ASS1: variants seen among roughly 807,000 people sequenced by gnomAD.
ASS1 encodes the protein argininosuccinate synthase 1.
A neutral mutation model predicts 60.5 loss-of-function variants in ASS1; 58 were observed. The observed-to-expected ratio is 0.96, with a 90% CI of 0.78 to 1.19. The LOEUF is 1.19. Ranked by LOEUF, ASS1 falls within the 50% of genes most tolerant of loss-of-function variation. ASS1 has a pLI of 0.00. For missense variants in ASS1, 454 were observed against 547.3 expected (o/e 0.83, Z 1.70); for synonymous variants, 200 against 206.9 (o/e 0.97, Z 0.29).
chr9:130,501,068 C>G lies in ASS1; in HGVS notation c.*47C>G, dbSNP rs372162973. On this transcript the variant is annotated 3_prime_UTR_variant, in exon 15 of 15. Coordinates refer to ENST00000352480, the MANE Select transcript of ASS1 (RefSeq NM_054012.4). ...GGGGCCTCCTCAATTTGCAGATCCCCCAAGTACAGGCGCTAATTGTTGTGA... is the reference window on the plus strand; with the variant it reads ...GGGGCCTCCTCAATTTGCAGATCCCGCAAGTACAGGCGCTAATTGTTGTGA... 11 of 1,556,866 alleles carry G rather than the reference C, an allele frequency of 7.1e-6. No individual in the cohort carries two copies. Among genetic ancestry groups the G allele is most frequent in the Admixed American group, 5.0e-5 (3 of 59,906 alleles).
At chr9:130,472,600 G>A (rs118139528) in intron 8 of ASS1, among the ~76,000 whole-genome samples, 3,719 of 152,268 alleles carry the variant, frequency 0.024, 61 homozygotes, top group Middle Eastern at 0.048. Flanking sequence ...TACTGCCCAC[G>A]GCCCCTCCCT....
chr9:130,466,842 C>T (rs569470414), intron 6 of ASS1, 43 bp downstream of exon 6: 41 of 1,599,742 alleles, frequency 2.6e-5, no homozygotes, highest in African/African-American at 1.6e-4. Context: ...TTCCCTATAG[C>T]CCCCTTCCCG....
At chr9:130,465,783 T>C (rs1351941286) in intron 5 of ASS1, among the ~76,000 whole-genome samples, 1 of 152,258 alleles carries the variant, frequency 6.6e-6, no homozygotes, top group African/African-American at 2.4e-5. Flanking sequence ...ATGATCTGTT[T>C]TGACCCCAGA....
chr9:130,476,996 G>C lies in ASS1; in HGVS notation c.688+35G>C. On this transcript the variant is annotated intron_variant, in intron 9 of 14. Transcript: ENST00000352480. The surrounding 1 kb of genome is among the most constrained non-coding windows in gnomAD (Gnocchi z 4.9). ...CACCTGTTGGGACTCGAAGGGGGTT[G>C]ACTTTTGGGGCCCTGGCTCCTTTCC... is the stretch of plus-strand genomic sequence containing the variant. The C allele has an allele frequency of 6.3e-7, 1 of 1,592,502 alleles. No homozygotes were observed. Among genetic ancestry groups the C allele is most frequent in the Non-Finnish European group, 8.6e-7 (1 of 1,160,502 alleles).
At chr9:130,471,233 C>T (rs1198358601) in intron 7 of ASS1, among the ~76,000 whole-genome samples, 1 of 152,072 alleles carries the variant, frequency 6.6e-6, no homozygotes, top group African/African-American at 2.4e-5. Context: ...AGGCAGAGGC[C>T]CCCCCAACCA....
rs187558685 is a variant in ASS1, at chr9:130,470,172, C to G, written c.496-662C>G. On this transcript the variant is annotated intron_variant, in intron 6 of 14. Transcript: ENST00000352480. The surrounding 1 kb of genome is among the most constrained non-coding windows in gnomAD (Gnocchi z 4.3). ...CCTTCCATGCGTGACCTGCAGCCCT[C>G]TTAGCCTGGGCCTCCTGGGCAGAGG... 4.6e-5 allele frequency among the ~76,000 whole-genome samples: 7 copies of G among 152,318 alleles called. No homozygotes were observed. The East Asian group carries it at 1.4e-3, about 29-fold the overall frequency.
In ASS1 at chr9:130,470,481, C is replaced by T. The variant is rs1291414934; in HGVS notation, c.496-353C>T. On this transcript the variant is annotated intron_variant, in intron 6 of 14. Coordinates refer to ENST00000352480, the MANE Select transcript of ASS1 (RefSeq NM_054012.4). The surrounding 1 kb of genome is among the most constrained non-coding windows in gnomAD (Gnocchi z 4.3). The stretch of plus-strand genomic sequence containing the variant: ...AGTGCGAGCGGGTTCACACAAGCCC[C>T]AGCTCGTAGGGTGGTGGCGGGGCTG... Among the ~76,000 whole-genome samples, 1 of 152,228 alleles carries T rather than the reference C, an allele frequency of 6.6e-6. No homozygotes were observed. Among genetic ancestry groups the T allele is most frequent in the African/African-American group, 2.4e-5 (1 of 41,470 alleles).
At chr9:130,493,972 G>A (rs1846519980) in intron 12 of ASS1, among the ~76,000 whole-genome samples, 1 of 152,220 alleles carries the variant, frequency 6.6e-6, no homozygotes, top group Non-Finnish European at 1.5e-5. Context: ...ATAGGAAGCA[G>A]AGTTGTTACA....
intron 14 of ASS1, among the ~76,000 whole-genome samples, chr9:130,500,394 A>G (rs1238058664): frequency 6.6e-6 from 1 of 152,238 alleles, no homozygotes; most frequent in East Asian, 1.9e-4. Flanking sequence ...CTGAGTCCGG[A>G]GGGCCTGTCC....
intron 1 of ASS1, among the ~76,000 whole-genome samples, chr9:130,448,225 GCTGT>G (rs1210759892): frequency 3.3e-5 from 5 of 152,054 alleles, no homozygotes; most frequent in African/African-American, 1.2e-4. Flanking sequence ...GAGCAACGCT[GCTGT>G]CTGATTGCAT....
At chr9:130,468,332 G>A (rs977112411) in intron 6 of ASS1, among the ~76,000 whole-genome samples, 3 of 152,114 alleles carry the variant, frequency 2.0e-5, no homozygotes, top group African/African-American at 4.8e-5. Flanking sequence ...CATTTGCTTC[G>A]CTGGCCATCC....
intron 4 of ASS1, among the ~76,000 whole-genome samples, chr9:130,461,836 C>T (rs575652286): frequency 1.6e-4 from 24 of 152,308 alleles, no homozygotes; most frequent in Middle Eastern, 3.4e-3. Context: ...AGCACTGCCC[C>T]GGGCGCCATC....
intron 1 of ASS1, among the ~76,000 whole-genome samples, chr9:130,445,493 T>G (rs1028463982): frequency 6.6e-6 from 1 of 152,162 alleles, no homozygotes; most frequent in Admixed American, 6.5e-5. Context: ...ACGTATCGCT[T>G]TCCCCGCAGC....
intron 6 of ASS1, among the ~76,000 whole-genome samples, chr9:130,469,045 G>A (rs1845811440): frequency 6.6e-6 from 1 of 152,248 alleles, no homozygotes; most frequent in South Asian, 2.1e-4. Context: ...GAGGTCCGCT[G>A]AGAAGGGAGG....
Position 130,476,718 on chromosome 9 carries a change from A to G in ASS1, c.598-153A>G. ...GCCTCTGGCAAGCGAGGCTGGTGCT[A>G]GGCTGAGGGCTGGGGACCGGGGGAT... On this transcript the variant is annotated intron_variant, in intron 8 of 14. Coordinates refer to ENST00000352480, the MANE Select transcript of ASS1 (RefSeq NM_054012.4). This position sits in a 1 kb window ranked among gnomAD's most constrained non-coding sequence, Gnocchi z 4.9. 1.3e-6 allele frequency: 1 copy of G among 769,724 alleles called. No homozygotes were observed. Among genetic ancestry groups the G allele is most frequent in the South Asian group, 1.4e-5 (1 of 71,340 alleles). 47.7% of individuals were successfully genotyped at this position (769,724 alleles called of 1,614,324 possible). A position where few individuals can be genotyped will look rare whatever the true frequency, so the allele number is the denominator to read the frequency against.
At chr9:130,451,087 T>C (rs569621773) in intron 1 of ASS1, among the ~76,000 whole-genome samples, 55 of 152,136 alleles carry the variant, frequency 3.6e-4, no homozygotes, top group African/African-American at 1.3e-3. Flanking sequence ...TTGGACACAG[T>C]GAAGACGCCC....
At chr9:130,499,835 C>G (rs1846701048) in intron 14 of ASS1, among the ~76,000 whole-genome samples, 1 of 152,176 alleles carries the variant, frequency 6.6e-6, no homozygotes, top group Non-Finnish European at 1.5e-5. Context: ...CTGATACTTG[C>G]CCTCCCCTCC....
rs1354864215 is a variant in ASS1, at chr9:130,459,494, C to T, written c.363+905C>T. 6.6e-6 allele frequency among the ~76,000 whole-genome samples: 1 copy of T among 152,046 alleles called. No individual in the cohort carries two copies. Among genetic ancestry groups the T allele is most frequent in the African/African-American group, 2.4e-5 (1 of 41,390 alleles). ...ACGCCCAGGCTGGAGTGCAGTGGCT[C>T]GATCTTGGCTCACTGCAACCTCTGC... On this transcript the variant is annotated intron_variant, in intron 4 of 14. Transcript: ENST00000352480. This position sits in a 1 kb window ranked among gnomAD's most constrained non-coding sequence, Gnocchi z 4.6.
chr9:130,467,174 T>C (rs1166292932), intron 6 of ASS1, among the ~76,000 whole-genome samples: 4 of 151,578 alleles, frequency 2.6e-5, no homozygotes, highest in East Asian at 1.9e-4. Flanking sequence ...GGGGATGTGA[T>C]GGCCGGCCGG....
Sources: gnomAD v4.1 joint callset for allele counts (sites outside exome capture counted in the v4.1 genomes callset) on GRCh38, gnomAD v4.1.1 for gene constraint, Gnocchi (gnomAD v3.1) non-coding constraint, MANE v1.5 for transcripts, NCBI Gene and HGNC (gene_info 2026-07-23, HGNC 2026-07-21) for gene names.